SLC12A6: variants seen among roughly 807,000 people sequenced by gnomAD.
The protein encoded by SLC12A6 is solute carrier family 12 member 6.
In SLC12A6, 66 loss-of-function variants were observed where a neutral mutation model predicts 135.3. The observed-to-expected ratio is 0.49, with a 90% CI of 0.40 to 0.60. The LOEUF is 0.60. Ranked by LOEUF, SLC12A6 falls within the 20% of genes least tolerant of loss-of-function variation. The pLI is 0.00. For missense variants in SLC12A6, 1,058 were observed against 1,452.3 expected (o/e 0.73, Z 4.41); for synonymous variants, 513 against 508.8 (o/e 1.01, Z -0.11).
At chr15:34,334,031 T>C (rs1890038814) in intron 2 of SLC12A6, among the ~76,000 whole-genome samples, 1 of 151,632 alleles carries the variant, frequency 6.6e-6, no homozygotes, top group South Asian at 2.1e-4. Flanking sequence ...GATTGCGCCC[T>C]TGTACCCCAG....
At chr15:34,336,893 ATT>A (rs1890236068) in intron 1 of SLC12A6, 141 bp from the exon 2 acceptor site, 1 of 599,764 alleles carries the variant, frequency 1.7e-6, no homozygotes, top group East Asian at 2.8e-5. Context: ...AGGTGAATAT[ATT>A]TTTTAAGAGA....
At chr15:34,238,823 C>A in intron 20 of SLC12A6, 142 bp downstream of exon 20, 1 of 789,750 alleles carries the variant, frequency 1.3e-6, no homozygotes, top group Non-Finnish European at 2.3e-6. Flanking sequence ...CTGGGTATTA[C>A]TACCAATAGT....
At chr15:34,272,346 AT>A (rs1403775782) in intron 3 of SLC12A6, among the ~76,000 whole-genome samples, 1 of 152,238 alleles carries the variant, frequency 6.6e-6, no homozygotes, top group Non-Finnish European at 1.5e-5. Flanking sequence ...AACAAAAAAA[AT>A]CTTTCAGTCT....
chr15:34,242,293 A>T, intron 16 of SLC12A6, 72 bp from the exon 17 acceptor site: 1 of 1,103,070 alleles, frequency 9.1e-7, no homozygotes, highest in South Asian at 1.3e-5. Flanking sequence ...GGTGCTTCTC[A>T]AACTATCTGT....
Position 34,256,244 on chromosome 15 carries a change from T to G in SLC12A6, c.730A>C (p.Asn244His). The part of the protein sequence containing the change: ...TAISMSAIAT[N>H]GVVPAGGSYF... ...ACCTACTAACCTGGCACCACTCCAT[T>G]AGTGGCAATGGCACTCATGGAGATA... Residue 244 changes from asparagine to histidine, a missense_variant, in exon 7 of 26, where the codon AAT becomes CAT. This residue lies in a region of SLC12A6 where 139 missense variants were observed against 202.2 expected (regional missense o/e 0.69). Transcript: ENST00000354181. 1 of 1,604,412 alleles carries G rather than the reference T, an allele frequency of 6.2e-7. No individual in the cohort carries two copies. Among genetic ancestry groups the G allele is most frequent in the Non-Finnish European group, 8.5e-7 (1 of 1,171,152 alleles).
In SLC12A6 at chr15:34,229,979, A is replaced by G. The variant is rs572668012; in HGVS notation, c.*3902T>C. 159 of 629,808 alleles carry G rather than the reference A, an allele frequency of 2.5e-4. No individual in the cohort carries two copies. The Middle Eastern group carries it at 3.0e-3, about 12-fold the overall frequency. The allele number at this position is 629,808 out of a possible 1,614,324, so 39.0% of individuals were successfully genotyped here. A position where few individuals can be genotyped will look rare whatever the true frequency, so the allele number is the denominator to read the frequency against. ...ATATTACGACAAACACAAAGAAACTATACCATAACCCAAGGCTGAAAATAA... is the reference window on the plus strand; with the variant it reads ...ATATTACGACAAACACAAAGAAACTGTACCATAACCCAAGGCTGAAAATAA... On this transcript the variant is annotated 3_prime_UTR_variant, in exon 26 of 26. Coordinates refer to ENST00000354181, the MANE Select transcript of SLC12A6 (RefSeq NM_001365088.1).
At chr15:34,314,497 C>T (rs77368228) in intron 2 of SLC12A6, among the ~76,000 whole-genome samples, 1 of 151,658 alleles carries the variant, frequency 6.6e-6, no homozygotes, top group Admixed American at 6.6e-5. Flanking sequence ...TTCATGCCTG[C>T]CAGCATAACA....
At chr15:34,317,185 A>C (rs1423709320) in intron 2 of SLC12A6, among the ~76,000 whole-genome samples, 1 of 152,230 alleles carries the variant, frequency 6.6e-6, no homozygotes, top group African/African-American at 2.4e-5. Flanking sequence ...TTGCGGACAA[A>C]GAGTTTACAT....
chr15:34,243,370 A>C (rs1891781672), intron 16 of SLC12A6, among the ~76,000 whole-genome samples: 1 of 152,220 alleles, frequency 6.6e-6, no homozygotes, highest in African/African-American at 2.4e-5. Flanking sequence ...GGGTACATAC[A>C]GGACATAATT....
chr15:34,286,573 T>C (rs1486799837), intron 2 of SLC12A6, among the ~76,000 whole-genome samples: 1 of 151,646 alleles, frequency 6.6e-6, no homozygotes, highest in East Asian at 2.0e-4. Context: ...GGTGGGTGGA[T>C]CACTTGAGGT....
At chr15:34,329,704 T>C (rs1208952807) in intron 2 of SLC12A6, among the ~76,000 whole-genome samples, 1 of 152,146 alleles carries the variant, frequency 6.6e-6, no homozygotes, top group Non-Finnish European at 1.5e-5. Flanking sequence ...AAGAAAATCC[T>C]TTAATTGTAA....
At chr15:34,250,431 T>G (rs1365546733) in intron 12 of SLC12A6, 76 bp from the exon 13 acceptor site, 3 of 977,784 alleles carry the variant, frequency 3.1e-6, no homozygotes, top group Non-Finnish European at 3.3e-6. Flanking sequence ...AGTAGACACT[T>G]TCTTCTGTCA....
At chr15:34,259,593 C>T (rs754612961) in intron 4 of SLC12A6, among the ~76,000 whole-genome samples, 5 of 152,142 alleles carry the variant, frequency 3.3e-5, no homozygotes, top group Admixed American at 6.5e-5. Flanking sequence ...AAGCTGTGAT[C>T]GTGCCACTGC....
chr15:34,272,163 G>T (rs1009737071), intron 3 of SLC12A6, among the ~76,000 whole-genome samples: 4 of 152,006 alleles, frequency 2.6e-5, no homozygotes, highest in African/African-American at 9.7e-5. Flanking sequence ...TAGACATGGG[G>T]TTTCACCATC....
chr15:34,309,744 C>G (rs57875866), intron 2 of SLC12A6, among the ~76,000 whole-genome samples: 20,427 of 152,072 alleles, frequency 0.13, 1,503 homozygotes, highest in East Asian at 0.32. Context: ...TGGCTGGATA[C>G]TGCGGGTTGG....
intron 2 of SLC12A6, among the ~76,000 whole-genome samples, chr15:34,334,916 T>G (rs1890103788): frequency 6.6e-6 from 1 of 152,214 alleles, no homozygotes; most frequent in South Asian, 2.1e-4. Context: ...AACACATTAC[T>G]AAGTCCACTT....
chr15:34,261,098 T>C (rs1305146654), intron 3 of SLC12A6, 78 bp from the exon 4 acceptor site: 15 of 801,244 alleles, frequency 1.9e-5, no homozygotes, highest in Non-Finnish European at 3.2e-5. Context: ...TAAGTGCAGG[T>C]TGCTTCGGTA....
chr15:34,295,892 C>T (rs371681621), intron 2 of SLC12A6, among the ~76,000 whole-genome samples: 16 of 152,038 alleles, frequency 1.1e-4, no homozygotes, highest in South Asian at 2.1e-4. Context: ...CCCAGCTACT[C>T]GGGAGGCTGA....
chr15:34,308,649 AAAAC>A lies in SLC12A6; in HGVS notation c.271+27757_271+27760del, dbSNP rs1393933657. Among the ~76,000 whole-genome samples the A allele has an allele frequency of 6.3e-3, 938 of 147,994 alleles. 18 individuals are homozygous for A. The highest frequency in any genetic ancestry group is 0.023 in the African/African-American group (870 of 38,122). The stretch of plus-strand genomic sequence containing the variant: ...ACCTGACAAAAAAAAAAAAAAAAAA[AAAAC>A]AAACCAGATTGTTGGATTAAGTCAA... On this transcript the variant is annotated intron_variant, in intron 2 of 25. Coordinates refer to ENST00000354181, the MANE Select transcript of SLC12A6 (RefSeq NM_001365088.1).
Sources: gnomAD v4.1 joint callset for allele counts (sites outside exome capture counted in the v4.1 genomes callset) on GRCh38, gnomAD v4.1.1 for gene constraint, gnomAD v4.1.1 regional missense constraint, MANE v1.5 for transcripts, NCBI Gene and HGNC (gene_info 2026-07-23, HGNC 2026-07-21) for gene names.